Variants in PLCB1 observed in about 807,000 individuals in gnomAD.
PLCB1 encodes the protein 1-phosphatidylinositol 4,5-bisphosphate phosphodiesterase beta-1.
In PLCB1, 46 loss-of-function variants were observed where a neutral mutation model predicts 161.8. The observed-to-expected ratio is 0.28, with a 90% confidence interval of 0.22 to 0.36. PLCB1 has a LOEUF of 0.36. PLCB1 is among the 10% of genes least tolerant of loss of function. PLCB1 has a pLI of 1.00. For synonymous variants in PLCB1, 517 were observed against 503.7 expected, an observed-to-expected ratio of 1.03 and a Z score of -0.35; for missense variants, 1,016 against 1,472.5, an observed-to-expected ratio of 0.69 and a Z score of 5.07.
chr20:8,528,316 A>G (rs1277793331), intron 3 of PLCB1, among the ~76,000 whole-genome samples: 1 of 152,134 alleles, frequency 6.6e-6, no homozygotes, highest in African/African-American at 2.4e-5. Context: ...CAATAGGACA[A>G]TGGATGAAGA....
intron 2 of PLCB1, among the ~76,000 whole-genome samples, chr20:8,171,720 T>C (rs1445595765): frequency 1.3e-5 from 2 of 152,172 alleles, no homozygotes; most frequent in Non-Finnish European, 2.9e-5. Context: ...CTCATTGTAG[T>C]CTCCTTTATG....
At chr20:8,586,583 A>T (rs1986999079) in intron 3 of PLCB1, among the ~76,000 whole-genome samples, 1 of 152,206 alleles carries the variant, frequency 6.6e-6, no homozygotes, top group African/African-American at 2.4e-5. Context: ...GGCCGGCCTG[A>T]TAAAGCTTGG....
At chr20:8,546,070 A>T (rs759588302) in intron 3 of PLCB1, among the ~76,000 whole-genome samples, 3 of 152,198 alleles carry the variant, frequency 2.0e-5, no homozygotes, top group African/African-American at 4.8e-5. Flanking sequence ...TAATCCCAGC[A>T]CTTTGGGAGG....
intron 3 of PLCB1, among the ~76,000 whole-genome samples, chr20:8,589,294 C>A (rs1987077986): frequency 6.6e-6 from 1 of 152,156 alleles, no homozygotes; most frequent in Non-Finnish European, 1.5e-5. Context: ...CATATTCTAC[C>A]TTTGGAATTT....
chr20:8,495,410 T>G (rs951555681), intron 3 of PLCB1, among the ~76,000 whole-genome samples: 17 of 81,814 alleles, frequency 2.1e-4, no homozygotes. Flanking sequence ...TTTTTTTTTT[T>G]TTTTTGAGAC....
intron 1 of PLCB1, among the ~76,000 whole-genome samples, chr20:8,147,746 G>A (rs1423718650): frequency 6.6e-6 from 1 of 152,078 alleles, no homozygotes; most frequent in East Asian, 1.9e-4. Flanking sequence ...CGGAAGAGTG[G>A]GGTCAAGAAA....
intron 23 of PLCB1, among the ~76,000 whole-genome samples, chr20:8,743,386 C>T (rs73081950): frequency 0.2 from 30,095 of 151,994 alleles, 3,487 homozygotes; most frequent in Middle Eastern, 0.27. Flanking sequence ...TTGAACCATC[C>T]TTGCATCTCT....
chr20:8,649,119 GC>G (rs1202823066), intron 6 of PLCB1, among the ~76,000 whole-genome samples: 2 of 152,086 alleles, frequency 1.3e-5, no homozygotes, highest in Non-Finnish European at 2.9e-5. Flanking sequence ...ATTATTTAAT[GC>G]AATATTTTTT....
chr20:8,293,523 A>G (rs925059732), intron 2 of PLCB1, among the ~76,000 whole-genome samples: 15 of 152,286 alleles, frequency 9.8e-5, no homozygotes, highest in African/African-American at 3.6e-4. Flanking sequence ...GTGTGTTTTT[A>G]ACAGTGAGTG....
At chr20:8,702,876 T>G (rs1447609167) in intron 11 of PLCB1, among the ~76,000 whole-genome samples, 1 of 152,246 alleles carries the variant, frequency 6.6e-6, no homozygotes, top group Non-Finnish European at 1.5e-5. Flanking sequence ...AGTTCTCCAG[T>G]GGAACTTCTG....
chr20:8,637,924 C>T (rs1231139501), intron 4 of PLCB1, among the ~76,000 whole-genome samples: 3 of 152,174 alleles, frequency 2.0e-5, no homozygotes, highest in Non-Finnish European at 4.4e-5. Context: ...GACGGAGTCT[C>T]GCTCTGTCGC....
rs112511607 is a variant in PLCB1 at position 8,601,703 on chromosome 20, C to T, written c.247-26591C>T. On this transcript the variant is annotated intron_variant, in intron 3 of 31. Transcript: ENST00000338037. ...CTGTGATGTGCAAAGCCAGGACTCA[C>T]CCAGGTTATTCATTCCTAAACTAGA... 8.8e-3 allele frequency among the ~76,000 whole-genome samples: 1,339 copies of T among 152,260 alleles called. 17 individuals carry two copies. Among genetic ancestry groups the T allele is most frequent in the African/African-American group, 0.03 (1,251 of 41,542 alleles).
chr20:8,257,546 G>A (rs1040185025), intron 2 of PLCB1, among the ~76,000 whole-genome samples: 6 of 152,112 alleles, frequency 3.9e-5, no homozygotes, highest in African/African-American at 1.4e-4. Context: ...TTAGTTATGT[G>A]TTACCTGTGT....
At chr20:8,211,470 A>G (rs753083749) in intron 2 of PLCB1, among the ~76,000 whole-genome samples, 31 of 152,246 alleles carry the variant, frequency 2.0e-4, no homozygotes, top group Non-Finnish European at 4.1e-4. Flanking sequence ...GTTGGCTACT[A>G]TGAGAAAAAT....
At chr20:8,485,313 A>C (rs1982673300) in intron 3 of PLCB1, among the ~76,000 whole-genome samples, 4 of 152,242 alleles carry the variant, frequency 2.6e-5, no homozygotes, top group Admixed American at 6.5e-5. Flanking sequence ...GAAAACAAAC[A>C]AACAAAAGAG....
At chr20:8,521,829 A>G (rs1984359594) in intron 3 of PLCB1, among the ~76,000 whole-genome samples, 1 of 152,226 alleles carries the variant, frequency 6.6e-6, no homozygotes, top group Non-Finnish European at 1.5e-5. Flanking sequence ...CAGATATATA[A>G]CTAAACACCA....
chr20:8,182,729 C>A (rs550132578), intron 2 of PLCB1, among the ~76,000 whole-genome samples: 1 of 151,812 alleles, frequency 6.6e-6, no homozygotes, highest in South Asian at 2.1e-4. Context: ...TACAGGCGCC[C>A]GCAACCATGC....
At chr20:8,334,707 G>A (rs1337189743) in intron 2 of PLCB1, among the ~76,000 whole-genome samples, 1 of 152,114 alleles carries the variant, frequency 6.6e-6, no homozygotes, top group Non-Finnish European at 1.5e-5. Context: ...TTTGACAGCC[G>A]TGACTTAGAG....
chr20:8,766,524 C>A (rs565117754), intron 26 of PLCB1, among the ~76,000 whole-genome samples: 1 of 152,142 alleles, frequency 6.6e-6, no homozygotes, highest in Non-Finnish European at 1.5e-5. Flanking sequence ...ACATTGTAAA[C>A]CATGAGAGGA....
Sources: allele counts gnomAD v4.1 joint callset (sites outside exome capture counted in the v4.1 genomes callset), GRCh38; gene constraint gnomAD v4.1.1; transcripts MANE v1.5; gene names NCBI Gene and HGNC (gene_info 2026-07-23, HGNC 2026-07-21).